Variants in DPP6 observed in about 807,000 individuals in gnomAD.
The protein encoded by DPP6 is A-type potassium channel modulatory protein DPP6.
DPP6 carries 69 observed loss-of-function variants against 122.6 expected under a neutral mutation model. That is an observed-to-expected ratio of 0.56 (90% CI 0.46 to 0.69). The LOEUF (loss-of-function observed/expected upper bound fraction) is 0.69. DPP6 is among the 30% of genes least tolerant of loss of function. The probability of loss-of-function intolerance (pLI) is 0.00; values close to 1 mark genes in which losing one functional copy is unlikely to be tolerated. For synonymous variants in DPP6, 418 were observed against 433.1 expected (o/e 0.97, Z 0.43); for missense variants, 928 against 1,116.9 (o/e 0.83, Z 2.41).
At chr7:153,965,178 C>T (rs1377446364) in intron 1 of DPP6, among the ~76,000 whole-genome samples, 2 of 151,900 alleles carry the variant, frequency 1.3e-5, no homozygotes, top group Non-Finnish European at 1.5e-5. Context: ...TCCAGTGTAT[C>T]TCATAATATT....
At chr7:154,472,998 G>A (rs555931778) in intron 2 of DPP6, among the ~76,000 whole-genome samples, 138 of 152,164 alleles carry the variant, frequency 9.1e-4, no homozygotes, top group African/African-American at 2.2e-3. Flanking sequence ...TATTTCCAAC[G>A]TTTGTTTAAA....
chr7:154,212,549 G>A (rs983444137), intron 1 of DPP6, among the ~76,000 whole-genome samples: 6 of 152,190 alleles, frequency 3.9e-5, no homozygotes, highest in African/African-American at 1.2e-4. Context: ...ATGTATGGAC[G>A]TGTGATGCCG....
chr7:154,868,024 G>T lies in DPP6; in HGVS notation c.1744G>T (p.Val582Phe). ...KMFDLETNEH[V>F]KKAINDRQMP... is the part of the protein sequence containing the mutation. ...GTTTGACCTAGAAACAAATGAACAT[G>T]TCAAGAAGGCCATAAATGACCGACA... Residue 582 changes from valine to phenylalanine, a missense_variant, in exon 18 of 26, where the codon GTC becomes TTC. Physicochemically the swap from Val to Phe is conservative, Grantham distance 50. Coordinates refer to ENST00000377770, the MANE Select transcript of DPP6 (RefSeq NM_130797.4). 6.2e-7 allele frequency: 1 copy of T among 1,606,878 alleles called. No homozygotes were observed.
At chr7:154,012,575 G>C (rs1371966988) in intron 1 of DPP6, among the ~76,000 whole-genome samples, 3 of 152,234 alleles carry the variant, frequency 2.0e-5, no homozygotes, top group Admixed American at 6.5e-5. Context: ...TCTGACAAGA[G>C]ACTTGTATCT....
rs989619768 is a variant in DPP6, at chr7:154,481,399, C to G, written c.457+6362C>G. Among the ~76,000 whole-genome samples, 5 of 147,840 alleles carry G rather than the reference C, an allele frequency of 3.4e-5. No individual in the cohort carries two copies. The highest frequency in any genetic ancestry group is 6.7e-5 in the Admixed American group (1 of 14,924). ...TCTGTGTGTGTGTGCATGTCAGTCA[C>G]TGGCTAATTTCCATGTCCACTGCAG... On this transcript the variant is annotated intron_variant, in intron 3 of 25. Coordinates refer to ENST00000377770, the MANE Select transcript of DPP6 (RefSeq NM_130797.4). This position sits in a 1 kb window ranked among gnomAD's most constrained non-coding sequence, Gnocchi z 4.2.
At chr7:154,256,420 GC>G in intron 1 of DPP6, among the ~76,000 whole-genome samples, 1 of 152,174 alleles carries the variant, frequency 6.6e-6, no homozygotes, top group Middle Eastern at 3.2e-3. Context: ...GAAACTGGAC[GC>G]CGTCACGGAA....
intron 1 of DPP6, among the ~76,000 whole-genome samples, chr7:154,174,264 A>C (rs1797683121): frequency 6.6e-6 from 1 of 152,248 alleles, no homozygotes; most frequent in Non-Finnish European, 1.5e-5. Flanking sequence ...TAATAAAAAG[A>C]ACAACCTTAC....
intron 8 of DPP6, among the ~76,000 whole-genome samples, chr7:154,728,093 G>A (rs1232508314): frequency 6.6e-6 from 1 of 152,252 alleles, no homozygotes; most frequent in Non-Finnish European, 1.5e-5. Context: ...GTTGTCAGGG[G>A]CCTGCAGTGT....
At chr7:154,524,279 A>T (rs1827230649) in intron 3 of DPP6, among the ~76,000 whole-genome samples, 1 of 152,234 alleles carries the variant, frequency 6.6e-6, no homozygotes, top group Non-Finnish European at 1.5e-5. Flanking sequence ...CATCACCGAT[A>T]GCATTATTCT....
chr7:154,767,209 C>A lies in DPP6; in HGVS notation c.884-2208C>A, dbSNP rs116130664. ...TGGAAACCACTGCAGGGCTCCTCTG[C>A]TGATTTCTGTGGGCTCTGCACCTTC... On this transcript the variant is annotated intron_variant, in intron 8 of 25. Coordinates refer to ENST00000377770, the MANE Select transcript of DPP6 (RefSeq NM_130797.4). Among the ~76,000 whole-genome samples the A allele has an allele frequency of 5.7e-3, 861 of 152,272 alleles. 9 individuals are homozygous for A. Among genetic ancestry groups the A allele is most frequent in the African/African-American group, 0.02 (813 of 41,548 alleles).
At chr7:154,505,716 T>C (rs1244996196) in intron 3 of DPP6, among the ~76,000 whole-genome samples, 2 of 152,190 alleles carry the variant, frequency 1.3e-5, no homozygotes, top group Non-Finnish European at 2.9e-5. Flanking sequence ...GCCTTTCTCA[T>C]CACATATCTA....
chr7:154,559,960 TATATATAAAGATATAGAC>T (rs1830314735), intron 4 of DPP6, among the ~76,000 whole-genome samples: 1 of 129,960 alleles, frequency 7.7e-6, no homozygotes, highest in Non-Finnish European at 1.6e-5. Flanking sequence ...ATATATAAGA[TATATATAAAGATATAGAC>T]ATATATAAAC....
intron 1 of DPP6, among the ~76,000 whole-genome samples, chr7:154,063,832 G>A (rs188132310): frequency 1.2e-4 from 18 of 151,534 alleles, no homozygotes; most frequent in Non-Finnish European, 2.2e-4. Flanking sequence ...ATCTTCCGAC[G>A]GCAAGTGCAT....
chr7:154,645,142 A>G (rs1218151784), intron 6 of DPP6, among the ~76,000 whole-genome samples: 3 of 147,464 alleles, frequency 2.0e-5, no homozygotes, highest in Non-Finnish European at 4.4e-5. Flanking sequence ...TGCTCACTGC[A>G]AGCTCCGCCT....
chr7:154,261,114 T>C (rs1020264175), intron 1 of DPP6, among the ~76,000 whole-genome samples: 4 of 152,126 alleles, frequency 2.6e-5, no homozygotes, highest in Admixed American at 1.3e-4. Context: ...CAGGCTGGTC[T>C]TGAACTCCTG....
At chr7:154,389,232 T>C (rs994882055) in intron 1 of DPP6, among the ~76,000 whole-genome samples, 15 of 152,136 alleles carry the variant, frequency 9.9e-5, no homozygotes, top group Non-Finnish European at 1.3e-4. Flanking sequence ...ATTTTGAAAG[T>C]CACAGGCGAT....
At chr7:154,203,760 G>A (rs141032671) in intron 1 of DPP6, among the ~76,000 whole-genome samples, 19 of 152,282 alleles carry the variant, frequency 1.2e-4, no homozygotes, top group Admixed American at 4.6e-4. Flanking sequence ...CAGTGGAAGC[G>A]CCTGATCTAG....
At chr7:154,804,122 C>T (rs748922036) in intron 14 of DPP6, among the ~76,000 whole-genome samples, 167 bp downstream of exon 14, 1 of 152,210 alleles carries the variant, frequency 6.6e-6, no homozygotes, top group Non-Finnish European at 1.5e-5. Context: ...AGTAGATTCC[C>T]GTCCCAACAG....
intron 8 of DPP6, among the ~76,000 whole-genome samples, chr7:154,737,339 T>C (rs1194990104): frequency 6.6e-6 from 1 of 152,218 alleles, no homozygotes; most frequent in Non-Finnish European, 1.5e-5. Context: ...TTGTGTGAAA[T>C]GGCTTAGCAT....
Sources: allele counts gnomAD v4.1 joint callset (sites outside exome capture counted in the v4.1 genomes callset), GRCh38; gene constraint gnomAD v4.1.1; non-coding constraint Gnocchi (gnomAD v3.1); transcripts MANE v1.5; gene names NCBI Gene and HGNC (gene_info 2026-07-23, HGNC 2026-07-21).